Variants in NXPE2 observed in about 807,000 individuals in gnomAD.
NXPE2 encodes the protein NXPE family member 2.
NXPE2 carries 34 observed loss-of-function variants against 34.4 expected under a neutral mutation model. The observed-to-expected ratio is 0.99, with a 90% CI of 0.75 to 1.31. The LOEUF (loss-of-function observed/expected upper bound fraction) is 1.31, where lower values mean the gene tolerates loss of function less well. Ranked by LOEUF, NXPE2 falls within the 40% of genes most tolerant of loss-of-function variation. NXPE2 has a pLI of 0.00. For synonymous variants in NXPE2, 235 were observed against 231.3 expected, an observed-to-expected ratio of 1.02 and a Z score of -0.15; for missense variants, 649 against 672.5, an observed-to-expected ratio of 0.97 and a Z score of 0.39.
chr11:114,596,141 T>G, the NXPE2 span, among the ~76,000 whole-genome samples: 1 of 152,184 alleles, frequency 6.6e-6, no homozygotes, highest in Non-Finnish European at 1.5e-5. Flanking sequence ...AGGATTCAAG[T>G]GCGTATTATC....
chr11:114,698,074 C>T lies in NXPE2; in HGVS notation c.162C>T (p.Ile54=). Residue 54 remains isoleucine (I), a synonymous_variant, in exon 3 of 6, where the codon ATC becomes ATT. Transcript: ENST00000389586. ...CGTTCAACTTGGAAAACCATATTAT[C>T]CTGAACCAAGGGAACATCTTCAAAA... The part of the protein sequence containing the change: ...KFSFNLENHI[I]LNQGNIFKKY... The T allele has an allele frequency of 1.3e-6, 2 of 1,577,978 alleles. No homozygotes were observed. Among genetic ancestry groups the T allele is most frequent in the Non-Finnish European group, 1.7e-6 (2 of 1,160,710 alleles).
chr11:114,810,442 TC>T, the NXPE2 span, among the ~76,000 whole-genome samples: 47 of 128,940 alleles, frequency 3.6e-4, no homozygotes, highest in Middle Eastern at 3.7e-3. Flanking sequence ...AACCTACTCA[TC>T]TGACAAAGGG....
the NXPE2 span, among the ~76,000 whole-genome samples, chr11:114,770,312 AC>A: frequency 6.6e-6 from 1 of 151,970 alleles, no homozygotes; most frequent in Non-Finnish European, 1.5e-5. Flanking sequence ...GGGCCTTCCT[AC>A]CCCCTCCCCA....
chr11:114,518,405 T>A, the NXPE2 span: 1 of 152,234 alleles, frequency 6.6e-6, no homozygotes, highest in Non-Finnish European at 1.5e-5. Context: ...AAATCCTATC[T>A]TTAAAGAAGA....
the NXPE2 span, among the ~76,000 whole-genome samples, chr11:114,660,963 C>A: frequency 1.3e-5 from 2 of 151,950 alleles, no homozygotes; most frequent in East Asian, 3.9e-4. Context: ...TATTGTTATT[C>A]TGTCAATCAT....
the NXPE2 span, among the ~76,000 whole-genome samples, chr11:114,810,374 C>A: frequency 2.8e-5 from 3 of 107,824 alleles, no homozygotes; most frequent in Non-Finnish European, 6.1e-5. Context: ...TTCTGCACAG[C>A]AAACGAAACT....
chr11:114,660,163 G>A, the NXPE2 span, among the ~76,000 whole-genome samples: 1 of 151,838 alleles, frequency 6.6e-6, no homozygotes, highest in Non-Finnish European at 1.5e-5. Flanking sequence ...TCTGCATCAG[G>A]ATTTTTCATA....
intron 2 of NXPE2, among the ~76,000 whole-genome samples, chr11:114,691,045 A>G (rs1951139445): frequency 6.6e-6 from 1 of 152,006 alleles, no homozygotes; most frequent in African/African-American, 2.4e-5. Context: ...TTTCCTTGCC[A>G]TTCACATTCT....
At chr11:114,665,985 T>A in the NXPE2 span, among the ~76,000 whole-genome samples, 1 of 152,052 alleles carries the variant, frequency 6.6e-6, no homozygotes, top group African/African-American at 2.4e-5. Flanking sequence ...GGGTTAGGAG[T>A]TGAATCTACA....
At chr11:114,507,408 C>A in the NXPE2 span, among the ~76,000 whole-genome samples, 1 of 152,090 alleles carries the variant, frequency 6.6e-6, no homozygotes, top group Non-Finnish European at 1.5e-5. Flanking sequence ...CATACTGATA[C>A]CAAAACCTGG....
chr11:114,716,770 A>T, the NXPE2 span, among the ~76,000 whole-genome samples: 2 of 152,158 alleles, frequency 1.3e-5, no homozygotes, highest in Non-Finnish European at 2.9e-5. Flanking sequence ...GTCCATTGCC[A>T]CTTGATTATG....
the NXPE2 span, among the ~76,000 whole-genome samples, chr11:114,619,466 G>C: frequency 6.7e-6 from 1 of 149,414 alleles, no homozygotes; most frequent in Admixed American, 6.6e-5. Context: ...TGCCTCGTGG[G>C]TAACCACTGT....
At chr11:114,745,366 C>G in the NXPE2 span, among the ~76,000 whole-genome samples, 1 of 152,160 alleles carries the variant, frequency 6.6e-6, no homozygotes, top group Non-Finnish European at 1.5e-5. Context: ...AGCAAGAAAG[C>G]AGAGGAGATG....
chr11:114,483,621 G>A, the NXPE2 span, among the ~76,000 whole-genome samples: 862 of 152,246 alleles, frequency 5.7e-3, 8 homozygotes, highest in Middle Eastern at 0.017. Context: ...TCTGTGTCTG[G>A]CTTAATATTG....
chr11:114,766,320 A>G, the NXPE2 span, among the ~76,000 whole-genome samples: 2 of 152,064 alleles, frequency 1.3e-5, no homozygotes, highest in Admixed American at 6.6e-5. Context: ...TTCCATGACA[A>G]TCCCCTATTA....
Position 114,698,611 on chromosome 11 carries a change from G to T in NXPE2, c.699G>T (p.Leu233=), listed in dbSNP as rs1264625476. The change falls in exon 3 of 6, where the codon CTG becomes CTT. Residue 233 remains leucine, a synonymous_variant. Coordinates refer to ENST00000389586, the MANE Select transcript of NXPE2 (RefSeq NM_182495.6). ...CCAATGTCTTCACTGAATGTGGCCT[G>T]ACCCTAAACACAAATGCTGAACTGT... The part of the protein sequence containing the change: ...RSSNVFTECG[L]TLNTNAELCQ... 1 of 1,614,188 alleles carries T rather than the reference G, an allele frequency of 6.2e-7. No homozygotes were observed. The highest frequency in any genetic ancestry group is 1.1e-5 in the South Asian group (1 of 91,078).
At chr11:114,702,089 A>T (rs1213908844) in intron 3 of NXPE2, among the ~76,000 whole-genome samples, 1 of 152,212 alleles carries the variant, frequency 6.6e-6, no homozygotes, top group Non-Finnish European at 1.5e-5. Flanking sequence ...AAATTAAAAA[A>T]GTCTTCTTCT....
At chr11:114,523,019 C>T in the NXPE2 span, 2 of 1,613,518 alleles carry the variant, frequency 1.2e-6, no homozygotes, top group Admixed American at 3.3e-5. Context: ...TATCCATTTT[C>T]CTTGTAAAGT....
the NXPE2 span, among the ~76,000 whole-genome samples, chr11:114,653,897 A>G: frequency 1.3e-5 from 2 of 152,118 alleles, no homozygotes; most frequent in African/African-American, 4.8e-5. Flanking sequence ...AGGAGCAGCA[A>G]TCTACATTTG....
Sources: gnomAD v4.1 joint callset for allele counts (sites outside exome capture counted in the v4.1 genomes callset) on GRCh38, gnomAD v4.1.1 for gene constraint, MANE v1.5 for transcripts, NCBI Gene and HGNC (gene_info 2026-07-23, HGNC 2026-07-21) for gene names.